Variants in CDH7 observed in about 807,000 individuals in gnomAD.
CDH7 encodes the protein cadherin 7.
A neutral mutation model predicts 71.8 loss-of-function variants in CDH7; 25 were observed. The ratio of observed to expected loss-of-function variants is 0.35; its 90% CI spans 0.25 to 0.49. CDH7 has a LOEUF of 0.49. Among genes scored for constraint, CDH7 ranks in the 20% least tolerant of loss-of-function variants. The probability of loss-of-function intolerance (pLI) is 0.99; values close to 1 mark genes in which losing one functional copy is unlikely to be tolerated. For missense variants in CDH7, 862 were observed against 974.6 expected (o/e 0.88, Z 1.54); for synonymous variants, 381 against 363.8 (o/e 1.05, Z -0.54).
At chr18:65,869,266 C>CT (rs1360525473) in intron 11 of CDH7, among the ~76,000 whole-genome samples, 2 of 151,308 alleles carry the variant, frequency 1.3e-5, no homozygotes, top group Non-Finnish European at 2.9e-5. Context: ...CTACCATTCT[C>CT]TATCAGAACC....
At chr18:65,790,794 C>T (rs1910685888) in intron 2 of CDH7, among the ~76,000 whole-genome samples, 2 of 152,094 alleles carry the variant, frequency 1.3e-5, no homozygotes, top group East Asian at 1.9e-4. Flanking sequence ...ACCTGAACCA[C>T]GGAAGCAGAG....
chr18:65,806,658 A>ATGTG (rs60116919), intron 2 of CDH7, among the ~76,000 whole-genome samples: 4,067 of 150,612 alleles, frequency 0.027, 65 homozygotes, highest in Non-Finnish European at 0.04. Context: ...GTGTCCATGC[A>ATGTG]TGTGTGTGTG....
chr18:65,773,582 G>A (rs1916609886), intron 2 of CDH7, among the ~76,000 whole-genome samples: 1 of 152,052 alleles, frequency 6.6e-6, no homozygotes, highest in Non-Finnish European at 1.5e-5. Context: ...GCGACTTCAA[G>A]CAAACAGCCT....
chr18:65,869,558 T>A (rs2144052064), intron 11 of CDH7, among the ~76,000 whole-genome samples: 1 of 142,056 alleles, frequency 7.0e-6, no homozygotes, highest in East Asian at 2.1e-4. Flanking sequence ...TTTTTTTTTT[T>A]TTTTTTTTTT....
At chr18:65,750,329 T>C (rs992247787), upstream of CDH7, 6 of 152,102 alleles carry the variant, frequency 3.9e-5, no homozygotes, top group Non-Finnish European at 5.9e-5. Flanking sequence ...TTTATGACTT[T>C]GCCTTCATGC....
intron 11 of CDH7, among the ~76,000 whole-genome samples, chr18:65,875,669 T>A (rs971759543): frequency 3.3e-5 from 5 of 152,186 alleles, no homozygotes; most frequent in African/African-American, 9.6e-5. Flanking sequence ...GGAGGATCAC[T>A]TGAGCTTAAG....
At chr18:65,816,111 G>T (rs1218739086) in intron 4 of CDH7, among the ~76,000 whole-genome samples, 3 of 152,112 alleles carry the variant, frequency 2.0e-5, no homozygotes, top group Non-Finnish European at 4.4e-5. Context: ...CTTAGGATTA[G>T]ATTATTAATA....
chr18:65,754,156 C>T (rs541302782), intron 1 of CDH7, among the ~76,000 whole-genome samples: 1 of 152,166 alleles, frequency 6.6e-6, no homozygotes, highest in Non-Finnish European at 1.5e-5. Flanking sequence ...AATGTTTCTT[C>T]TAGTTAATTA....
Position 65,849,832 on chromosome 18 carries a change from G to T in CDH7, c.1235+5767G>T, listed in dbSNP as rs541282226. Reference sequence around the variant, plus strand: ...AATAAATTCACTGAAAATTACATTTGTTCTGATTTGTTTCTTACAGTATTT... The same window carrying T: ...AATAAATTCACTGAAAATTACATTTTTTCTGATTTGTTTCTTACAGTATTT... On this transcript the variant is annotated intron_variant, in intron 7 of 11. Coordinates refer to ENST00000397968, the MANE Select transcript of CDH7 (RefSeq NM_004361.5). Among the ~76,000 whole-genome samples, 95 of 151,994 alleles carry T rather than the reference G, an allele frequency of 6.3e-4. 1 individual carries two copies. Among genetic ancestry groups the T allele is most frequent in the Middle Eastern group, 3.4e-3 (1 of 294 alleles).
intron 5 of CDH7, among the ~76,000 whole-genome samples, chr18:65,823,427 A>C (rs1157301405): frequency 6.6e-6 from 1 of 151,932 alleles, no homozygotes; most frequent in South Asian, 2.1e-4. Flanking sequence ...AAAATTATGT[A>C]GAATTTTAGT....
chr18:65,783,788 G>C (rs1442212115), intron 2 of CDH7, among the ~76,000 whole-genome samples: 1 of 151,942 alleles, frequency 6.6e-6, no homozygotes, highest in Non-Finnish European at 1.5e-5. Flanking sequence ...TGAAAATGAA[G>C]ATAGAGAAAG....
chr18:65,817,044 A>G (rs1034231096), intron 4 of CDH7, among the ~76,000 whole-genome samples: 2 of 152,132 alleles, frequency 1.3e-5, no homozygotes, highest in Admixed American at 1.3e-4. Context: ...TTTGTTCTTA[A>G]ATGATTAAGT....
At chr18:65,852,465 C>T (rs558606771) in intron 7 of CDH7, among the ~76,000 whole-genome samples, 1 of 152,228 alleles carries the variant, frequency 6.6e-6, no homozygotes, top group East Asian at 1.9e-4. Context: ...AGAGCCTTCA[C>T]TTCATTTTTT....
chr18:65,766,906 A>T (rs989399344), intron 2 of CDH7, among the ~76,000 whole-genome samples: 3 of 57,838 alleles, frequency 5.2e-5, no homozygotes, highest in African/African-American at 3.6e-4. Context: ...AAAAAAAAAA[A>T]AAAAAAAAAA....
intron 2 of CDH7, among the ~76,000 whole-genome samples, chr18:65,808,879 G>A (rs963436874): frequency 6.6e-6 from 1 of 152,144 alleles, no homozygotes; most frequent in African/African-American, 2.4e-5. Context: ...GTCAGGTTAT[G>A]AAGTTCAGGG....
At chr18:65,769,765 A>C (rs1916487360) in intron 2 of CDH7, among the ~76,000 whole-genome samples, 1 of 152,082 alleles carries the variant, frequency 6.6e-6, no homozygotes, top group African/African-American at 2.4e-5. Context: ...GGCCTGTCTC[A>C]TGTTTCTTCT....
intron 6 of CDH7, among the ~76,000 whole-genome samples, chr18:65,829,176 G>A (rs1347041237): frequency 2.0e-5 from 3 of 152,008 alleles, no homozygotes; most frequent in Non-Finnish European, 1.5e-5. Flanking sequence ...CTGGAGTGCA[G>A]TGGTGTCATC....
At chr18:65,752,928 A>C (rs755139646) in intron 1 of CDH7, among the ~76,000 whole-genome samples, 7 of 152,238 alleles carry the variant, frequency 4.6e-5, no homozygotes, top group Non-Finnish European at 7.3e-5. Flanking sequence ...GGTCATTAGA[A>C]TTGTGTTAAT....
chr18:65,781,796 T>TTTCTTTCTA (rs1568181406), intron 2 of CDH7, among the ~76,000 whole-genome samples: 2 of 70,410 alleles, frequency 2.8e-5, no homozygotes, highest in African/African-American at 1.9e-4. Flanking sequence ...CCTTCCTTCC[T>TTTCTTTCTA]TCCTTCCTTC....
Sources: gnomAD v4.1 joint callset for allele counts (sites outside exome capture counted in the v4.1 genomes callset) on GRCh38, gnomAD v4.1.1 for gene constraint, MANE v1.5 for transcripts, NCBI Gene and HGNC (gene_info 2026-07-23, HGNC 2026-07-21) for gene names.